Variants in PLCG2 observed in about 807,000 individuals in gnomAD.
PLCG2 encodes the protein phospholipase C gamma 2.
Under a neutral mutation model 175.6 loss-of-function variants are expected in PLCG2, and 69 were observed. The ratio of observed to expected loss-of-function variants is 0.39; its 90% confidence interval spans 0.32 to 0.48. The LOEUF (loss-of-function observed/expected upper bound fraction) is 0.48. Ranked by LOEUF, PLCG2 falls within the 20% of genes least tolerant of loss-of-function variation. PLCG2 has a pLI of 0.91. For missense variants in PLCG2, 1,798 were observed against 1,650.9 expected, an observed-to-expected ratio of 1.09 and a Z score of -1.54; for synonymous variants, 827 against 624.0, an observed-to-expected ratio of 1.33 and a Z score of -4.85.
intron 2 of PLCG2, among the ~76,000 whole-genome samples, chr16:81,819,685 A>G (rs576358516): frequency 5.3e-5 from 8 of 152,254 alleles, no homozygotes; most frequent in Non-Finnish European, 7.4e-5. Flanking sequence ...TCTGGTTTCA[A>G]GCGAATATCC....
chr16:81,771,381 A>G (rs919672214), intron 2 of PLCG2, among the ~76,000 whole-genome samples: 4 of 152,154 alleles, frequency 2.6e-5, no homozygotes, highest in African/African-American at 7.2e-5. Context: ...TGACTTCTAA[A>G]AGCACTGATG....
At chr16:81,894,156 T>C (rs574868571) in intron 12 of PLCG2, among the ~76,000 whole-genome samples, 1 of 152,198 alleles carries the variant, frequency 6.6e-6, no homozygotes, top group East Asian at 1.9e-4. Flanking sequence ...GGGCTGGATA[T>C]GGTGGCTCAT....
intron 14 of PLCG2, among the ~76,000 whole-genome samples, chr16:81,904,607 G>A (rs1239336953): frequency 6.6e-6 from 1 of 152,194 alleles, no homozygotes; most frequent in African/African-American, 2.4e-5. Context: ...TCTGGACTGC[G>A]GCCTGCCTTT....
Position 81,927,096 on chromosome 16 carries a change from A to G in PLCG2, c.2432A>G (p.Tyr811Cys), listed in dbSNP as rs1255722553. Residue 811 changes from tyrosine (Y) to cysteine (C), a missense_variant, in exon 23 of 33, where the codon TAT (tyrosine) becomes TGT (cysteine). Physicochemically the swap from Tyr to Cys is radical, Grantham distance 194 (BLOSUM62 -2). Coordinates refer to ENST00000564138, the MANE Select transcript of PLCG2 (RefSeq NM_002661.5). ...KEPGGWWKGD[Y>C]GTRIQQYFPS... ...TTCTTATCCAGGTGGAAAGGAGACT[A>G]TGGAACCAGGATCCAGCAGTACTTC... The G allele has an allele frequency of 1.2e-6, 2 of 1,612,560 alleles. No individual in the cohort carries two copies. Among genetic ancestry groups the G allele is most frequent in the Admixed American group, 1.7e-5 (1 of 59,982 alleles).
chr16:81,761,829 ATT>A (rs556864309), intron 2 of PLCG2, among the ~76,000 whole-genome samples: 53 of 130,144 alleles, frequency 4.1e-4, no homozygotes, highest in Admixed American at 5.5e-4. Context: ...CACCCTGCAC[ATT>A]TTTTTTTTTT....
At chr16:81,860,172 A>ATTATTTTTTT (rs763047744) in intron 5 of PLCG2, among the ~76,000 whole-genome samples, 12 of 120,610 alleles carry the variant, frequency 9.9e-5, no homozygotes, top group African/African-American at 2.2e-4. Flanking sequence ...TATTATTATT[A>ATTATTTTTTT]TTTTTTTTTT....
Position 81,792,303 on chromosome 16 carries a change from G to A in PLCG2, c.193+6121G>A, listed in dbSNP as rs533313256. 3.9e-5 allele frequency among the ~76,000 whole-genome samples: 6 copies of A among 151,976 alleles called. No individual in the cohort carries two copies. In the South Asian group the frequency reaches 1.2e-3, roughly 32 times the overall value. On this transcript the variant is annotated intron_variant, in intron 2 of 32. Coordinates refer to ENST00000564138, the MANE Select transcript of PLCG2 (RefSeq NM_002661.5). Reference sequence around the variant, plus strand: ...TCGAGACCAGCCTAGCCAACATGGCGAAGCCCCATCTCTACTAAAAATATT... The same window carrying A: ...TCGAGACCAGCCTAGCCAACATGGCAAAGCCCCATCTCTACTAAAAATATT...
At chr16:81,936,656 C>T (rs746664882) in intron 27 of PLCG2, among the ~76,000 whole-genome samples, 11 of 152,270 alleles carry the variant, frequency 7.2e-5, no homozygotes, top group East Asian at 1.9e-4. Flanking sequence ...TGCATTAGTT[C>T]ATGTAATTAA....
intron 1 of PLCG2, among the ~76,000 whole-genome samples, chr16:81,753,389 A>C (rs1215607197): frequency 7.6e-6 from 1 of 132,084 alleles, no homozygotes; most frequent in Non-Finnish European, 1.6e-5. Flanking sequence ...AATATGTATA[A>C]TATAAAATTT....
intron 2 of PLCG2, among the ~76,000 whole-genome samples, chr16:81,840,093 G>T (rs1005586125): frequency 1.3e-5 from 2 of 152,204 alleles, no homozygotes; most frequent in Non-Finnish European, 2.9e-5. Flanking sequence ...GGCCCATGCT[G>T]GGGGTGTTAG....
intron 5 of PLCG2, among the ~76,000 whole-genome samples, chr16:81,860,684 C>T (rs1395361083): frequency 6.6e-6 from 1 of 152,014 alleles, no homozygotes; most frequent in African/African-American, 2.4e-5. Context: ...TAAAAACTAC[C>T]ATTTGGCCAG....
chr16:81,919,654 G>A lies in PLCG2; in HGVS notation c.2225G>A (p.Arg742His), dbSNP rs756480279. 1.7e-5 allele frequency: 28 copies of A among 1,612,864 alleles called. No homozygotes were observed. The highest frequency in any genetic ancestry group is 3.3e-5 in the Admixed American group (2 of 59,970). Residue 742 changes from arginine to histidine, a missense_variant, in exon 20 of 33, where the codon CGC (arginine) becomes CAC (histidine). By Grantham distance (29) the Arg-to-His change is conservative. Coordinates refer to ENST00000564138, the MANE Select transcript of PLCG2 (RefSeq NM_002661.5). Reference sequence around the variant, plus strand: ...CCCGTGACCCCCGAGCTCCTGGAGCGCTACAATATGGTAGGTGGTGGACTC... The same window carrying A: ...CCCGTGACCCCCGAGCTCCTGGAGCACTACAATATGGTAGGTGGTGGACTC... ...RYPVTPELLE[R>H]YNMERDINSL...
rs527398498 is a variant in PLCG2 at position 81,813,955 on chromosome 16, T to C, written c.193+27773T>C. Among the ~76,000 whole-genome samples the C allele has an allele frequency of 1.9e-3, 291 of 152,316 alleles. 2 individuals are homozygous for C. Among genetic ancestry groups the C allele is most frequent in the African/African-American group, 6.7e-3 (277 of 41,556 alleles). ...ATTCTACCTGTTGATGGGAAGAAGT[T>C]TGTGGCTATCGTGAATCCACCAGAG... On this transcript the variant is annotated intron_variant, in intron 2 of 32. Coordinates refer to ENST00000564138, the MANE Select transcript of PLCG2 (RefSeq NM_002661.5).
intron 11 of PLCG2, 91 bp from the exon 12 acceptor site, chr16:81,893,618 G>T: frequency 1.3e-6 from 1 of 774,416 alleles, no homozygotes; most frequent in South Asian, 1.4e-5. Flanking sequence ...CTCGGGCGGA[G>T]AAGTTCCCCC....
At chr16:81,857,758 C>A (rs73592971) in intron 3 of PLCG2, among the ~76,000 whole-genome samples, 3 of 152,140 alleles carry the variant, frequency 2.0e-5, no homozygotes, top group African/African-American at 4.8e-5. Flanking sequence ...CATATGAATT[C>A]GGAAGGAATG....
At chr16:81,756,555 C>T (rs1348824335) in intron 2 of PLCG2, among the ~76,000 whole-genome samples, 1 of 152,142 alleles carries the variant, frequency 6.6e-6, no homozygotes, top group African/African-American at 2.4e-5. Context: ...TGAAGGTGAC[C>T]ACACCATACA....
rs115980171 is a variant in PLCG2 at position 81,810,286 on chromosome 16, A to G, written c.193+24104A>G. Reference sequence around the variant, plus strand: ...CGGTGTGAGCCACCGTGCCCAGCCCATGCTTCTCTCCTATCCCAGACGACT... The same window carrying G: ...CGGTGTGAGCCACCGTGCCCAGCCCGTGCTTCTCTCCTATCCCAGACGACT... On this transcript the variant is annotated intron_variant, in intron 2 of 32. Coordinates refer to ENST00000564138, the MANE Select transcript of PLCG2 (RefSeq NM_002661.5). Among the ~76,000 whole-genome samples the G allele has an allele frequency of 7.3e-3, 1,119 of 152,296 alleles. 21 individuals are homozygous for G. The highest frequency in any genetic ancestry group is 0.026 in the African/African-American group (1,074 of 41,558).
intron 24 of PLCG2, among the ~76,000 whole-genome samples, chr16:81,930,552 A>G (rs942256029): frequency 6.6e-6 from 1 of 152,150 alleles, no homozygotes; most frequent in Admixed American, 6.5e-5. Context: ...GTTCGAGACC[A>G]GCCCTGGGCA....
intron 2 of PLCG2, among the ~76,000 whole-genome samples, chr16:81,771,968 A>T (rs1003903176): frequency 6.6e-6 from 1 of 152,068 alleles, no homozygotes; most frequent in Non-Finnish European, 1.5e-5. Flanking sequence ...TTTTTAGTAG[A>T]GACGGGGTTT....
Sources: allele counts gnomAD v4.1 joint callset (sites outside exome capture counted in the v4.1 genomes callset), GRCh38; gene constraint gnomAD v4.1.1; transcripts MANE v1.5; gene names NCBI Gene and HGNC (gene_info 2026-07-23, HGNC 2026-07-21).